The following RIPOR3 variants were observed in gnomAD, a reference collection of about 807,000 sequenced individuals.
RIPOR3 encodes the protein family with sequence similarity 65 member C.
A neutral mutation model predicts 114.3 loss-of-function variants in RIPOR3; 95 were observed. That is an observed-to-expected ratio of 0.83 (90% confidence interval 0.70 to 0.99). The LOEUF is 0.99. Among genes scored for constraint, RIPOR3 ranks in the 50% least tolerant of loss-of-function variants. The pLI is 0.00. For synonymous variants in RIPOR3, 575 were observed against 543.8 expected, an observed-to-expected ratio of 1.06 and a Z score of -0.80; for missense variants, 1,252 against 1,266.9, an observed-to-expected ratio of 0.99 and a Z score of 0.18.
chr20:50,604,588 G>T, intron 12 of RIPOR3, 57 bp downstream of exon 12: 10 of 1,545,738 alleles, frequency 6.5e-6, no homozygotes, highest in African/African-American at 1.4e-5. Flanking sequence ...CAGCTCCTGC[G>T]TGCTGCCCCC....
At chr20:50,656,813 C>G (rs1163849288) in intron 1 of RIPOR3, among the ~76,000 whole-genome samples, 1 of 152,188 alleles carries the variant, frequency 6.6e-6, no homozygotes, top group Non-Finnish European at 1.5e-5. Context: ...ACAAGCATTT[C>G]TAATGACTGC....
chr20:50,643,993 G>A (rs1372812945), intron 1 of RIPOR3, among the ~76,000 whole-genome samples: 2 of 151,288 alleles, frequency 1.3e-5, no homozygotes, highest in Non-Finnish European at 2.9e-5. Context: ...GATTACAGGC[G>A]TGAGCCACCG....
intron 13 of RIPOR3, among the ~76,000 whole-genome samples, chr20:50,601,341 G>C (rs888134506): frequency 6.6e-6 from 1 of 152,224 alleles, no homozygotes; most frequent in Non-Finnish European, 1.5e-5. Context: ...CGCTGAGGCA[G>C]GAGAAATGCT....
intron 19 of RIPOR3, 85 bp downstream of exon 19, chr20:50,592,256 ACTT>A: frequency 2.2e-6 from 3 of 1,356,566 alleles, no homozygotes; most frequent in South Asian, 1.7e-5. Context: ...CCTGGCACTC[ACTT>A]CTTTGTACTT....
intron 1 of RIPOR3, among the ~76,000 whole-genome samples, chr20:50,673,224 G>A (rs753254887): frequency 1.3e-5 from 2 of 152,170 alleles, no homozygotes; most frequent in Non-Finnish European, 2.9e-5. Flanking sequence ...TTAACACTTA[G>A]TGAAGACCCC....
intron 1 of RIPOR3, among the ~76,000 whole-genome samples, chr20:50,641,518 G>A (rs2085192999): frequency 6.6e-6 from 1 of 152,212 alleles, no homozygotes; most frequent in African/African-American, 2.4e-5. Flanking sequence ...GAGTAGCTGG[G>A]ACTACAGGTG....
chr20:50,661,393 C>T (rs1052739811), intron 1 of RIPOR3, among the ~76,000 whole-genome samples: 8 of 152,060 alleles, frequency 5.3e-5, no homozygotes, highest in African/African-American at 1.9e-4. Context: ...TTTTAATAAC[C>T]AAAAGAAAAT....
At chr20:50,670,089 G>A (rs1404366222) in intron 1 of RIPOR3, among the ~76,000 whole-genome samples, 1 of 150,920 alleles carries the variant, frequency 6.6e-6, no homozygotes, top group African/African-American at 2.4e-5. Flanking sequence ...CCCGGGAGGC[G>A]GAGGTTGCAG....
At chr20:50,636,591 A>C in intron 1 of RIPOR3, 1 of 985,692 alleles carries the variant, frequency 1.0e-6, no homozygotes, top group Non-Finnish European at 1.2e-6. Context: ...CTTTGGTGGC[A>C]GACAGGACAG....
chr20:50,600,919 CT>C (rs1182311127), intron 13 of RIPOR3, among the ~76,000 whole-genome samples: 7 of 151,984 alleles, frequency 4.6e-5, no homozygotes, highest in Non-Finnish European at 7.4e-5. Context: ...TTTTTTTCCC[CT>C]ATGTTGATTT....
chr20:50,659,208 C>G (rs971207806), intron 1 of RIPOR3, among the ~76,000 whole-genome samples: 9 of 152,202 alleles, frequency 5.9e-5, no homozygotes, highest in Non-Finnish European at 7.3e-5. Context: ...GAAAATGATT[C>G]TGGGTTTTCC....
chr20:50,667,495 T>C (rs1462751717), intron 1 of RIPOR3, among the ~76,000 whole-genome samples: 1 of 152,108 alleles, frequency 6.6e-6, no homozygotes, highest in East Asian at 1.9e-4. Flanking sequence ...GGTTTCACCA[T>C]GTTGGTCAGG....
At chr20:50,629,096 A>C (rs2084728168) in intron 2 of RIPOR3, among the ~76,000 whole-genome samples, 1 of 152,104 alleles carries the variant, frequency 6.6e-6, no homozygotes, top group Admixed American at 6.5e-5. Context: ...GGGAGGACAC[A>C]CATGTGCTGA....
At chr20:50,679,275 G>GT (rs1037827560) in intron 1 of RIPOR3, among the ~76,000 whole-genome samples, 4 of 142,544 alleles carry the variant, frequency 2.8e-5, no homozygotes, top group Non-Finnish European at 3.0e-5. Flanking sequence ...TGAGTTTATG[G>GT]TTAAAAAAAA....
chr20:50,625,244 G>A (rs2084575907), intron 2 of RIPOR3, among the ~76,000 whole-genome samples: 1 of 152,114 alleles, frequency 6.6e-6, no homozygotes, highest in Non-Finnish European at 1.5e-5. Flanking sequence ...CTAATTTTTT[G>A]TAGTTTTGGT....
rs186308971 is a variant in RIPOR3, at chr20:50,602,212, C to A, written c.1519G>T (p.Gly507Trp). 6.2e-7 allele frequency: 1 copy of A among 1,613,744 alleles called. No homozygotes were observed. The highest frequency in any genetic ancestry group is 1.7e-5 in the Admixed American group (1 of 60,018). ...SQNGHEEGAT[G>W]DREDGPGVAL... The stretch of plus-strand genomic sequence containing the variant: ...ACGCCAGGCCCGTCCTCTCTGTCCC[C>A]GGTTGCCCCTTCCTCGTGGCCGTTC... Residue 507 changes from glycine (G) to tryptophan (W), a missense_variant, in exon 13 of 22, where the codon GGG becomes TGG. Transcript: ENST00000327979. The surrounding 1 kb of genome is among the most constrained non-coding windows in gnomAD (Gnocchi z 4.3).
intron 1 of RIPOR3, among the ~76,000 whole-genome samples, chr20:50,634,380 C>T (rs1185304324): frequency 6.6e-6 from 1 of 152,100 alleles, no homozygotes; most frequent in East Asian, 1.9e-4. Flanking sequence ...CATCTTTCAG[C>T]CCAGATGTCC....
intron 1 of RIPOR3, among the ~76,000 whole-genome samples, chr20:50,669,231 C>T (rs2086375722): frequency 1.3e-5 from 2 of 152,162 alleles, no homozygotes; most frequent in South Asian, 2.1e-4. Context: ...GATCCCCTTA[C>T]CCAACCCTGG....
rs545233123 is a variant in RIPOR3 at position 50,587,784 on chromosome 20, G to A, written c.2752+18C>T. 2 of 1,613,688 alleles carry A rather than the reference G, an allele frequency of 1.2e-6. No homozygotes were observed. The highest frequency in any genetic ancestry group is 2.2e-5 in the East Asian group (1 of 44,882). On this transcript the variant is annotated intron_variant, in intron 21 of 21. Coordinates refer to ENST00000327979, the MANE Select transcript of RIPOR3 (RefSeq NM_001290268.2). ...CCCAGGCACCCCGCTGCGCTGCACAGTTTGTGCCACTTTTTACCGAACGAC... is the reference window on the plus strand; with the variant it reads ...CCCAGGCACCCCGCTGCGCTGCACAATTTGTGCCACTTTTTACCGAACGAC...
Sources: gnomAD v4.1 joint callset for allele counts (sites outside exome capture counted in the v4.1 genomes callset) on GRCh38, gnomAD v4.1.1 for gene constraint, Gnocchi (gnomAD v3.1) non-coding constraint, MANE v1.5 for transcripts, NCBI Gene and HGNC (gene_info 2026-07-23, HGNC 2026-07-21) for gene names.